The following ZFAND3 variants were observed in gnomAD, a reference collection of about 807,000 sequenced individuals.
The protein encoded by ZFAND3 is AN1-type zinc finger protein 3.
In ZFAND3, 10 loss-of-function variants were observed where a neutral mutation model predicts 29.6. The ratio of observed to expected loss-of-function variants is 0.34; its 90% CI spans 0.21 to 0.57. ZFAND3 has a LOEUF of 0.57. ZFAND3 is among the 20% of genes least tolerant of loss of function. The pLI is 0.86. For missense variants in ZFAND3, 230 were observed against 304.5 expected, an observed-to-expected ratio of 0.76 and a Z score of 1.82; for synonymous variants, 128 against 112.6, an observed-to-expected ratio of 1.14 and a Z score of -0.87.
In ZFAND3 at chr6:38,152,451, A is replaced by G; in HGVS notation, c.*62A>G. 1 of 1,479,002 alleles carries G rather than the reference A, an allele frequency of 6.8e-7. No individual in the cohort carries two copies. Among genetic ancestry groups the G allele is most frequent in the Non-Finnish European group, 9.0e-7 (1 of 1,115,756 alleles). 91.6% of individuals were successfully genotyped at this position (1,479,002 alleles called of 1,614,324 possible). A position where few individuals can be genotyped will look rare whatever the true frequency, so the allele number is the denominator to read the frequency against. On this transcript the variant is annotated 3_prime_UTR_variant, in exon 6 of 6. Coordinates refer to ENST00000287218, the MANE Select transcript of ZFAND3 (RefSeq NM_021943.3). ...TTCACTAATGTTAGCCTTATTTAGGACAAAGTCAGCCAGACACCTTGTACT... is the reference window on the plus strand; with the variant it reads ...TTCACTAATGTTAGCCTTATTTAGGGCAAAGTCAGCCAGACACCTTGTACT...
At chr6:38,096,843 A>C (rs1420594013) in intron 4 of ZFAND3, among the ~76,000 whole-genome samples, 1 of 151,454 alleles carries the variant, frequency 6.6e-6, no homozygotes, top group Non-Finnish European at 1.5e-5. Flanking sequence ...TTTTTTCGTA[A>C]TGTTCTTTCC....
intron 2 of ZFAND3, among the ~76,000 whole-genome samples, chr6:37,944,108 T>G (rs1006092341): frequency 6.6e-6 from 1 of 152,230 alleles, no homozygotes; most frequent in Admixed American, 6.5e-5. Flanking sequence ...GTCAAATTTT[T>G]GTGTATTTGT....
chr6:37,844,784 G>A lies in ZFAND3; in HGVS notation c.71+24768G>A, dbSNP rs541742807. 5.9e-5 allele frequency among the ~76,000 whole-genome samples: 9 copies of A among 151,624 alleles called. No homozygotes were observed. The East Asian group carries it at 1.6e-3, about 26-fold the overall frequency. On this transcript the variant is annotated intron_variant, in intron 1 of 5. Coordinates refer to ENST00000287218, the MANE Select transcript of ZFAND3 (RefSeq NM_021943.3). Reference sequence around the variant, plus strand: ...AATCCCAGCACTTTGGGAGGCCGACGTGGGCGGATCACGAAGTCAGGAGAT... The same window carrying A: ...AATCCCAGCACTTTGGGAGGCCGACATGGGCGGATCACGAAGTCAGGAGAT...
At chr6:37,985,527 A>ACACACACACACACC (rs753070737) in intron 2 of ZFAND3, among the ~76,000 whole-genome samples, 148 of 141,756 alleles carry the variant, frequency 1.0e-3, no homozygotes, top group Admixed American at 3.0e-3. Flanking sequence ...ACACACACAC[A>ACACACACACACACC]CCCCCACACA....
chr6:37,968,892 C>T (rs1450902318), intron 2 of ZFAND3, among the ~76,000 whole-genome samples: 1 of 152,194 alleles, frequency 6.6e-6, no homozygotes, highest in Non-Finnish European at 1.5e-5. Context: ...TTATGAAGTC[C>T]TACCCCTAAA....
chr6:37,920,106 G>A (rs1320986644), intron 1 of ZFAND3, among the ~76,000 whole-genome samples: 3 of 129,682 alleles, frequency 2.3e-5, no homozygotes, highest in Non-Finnish European at 4.7e-5. Context: ...AAAATAATTG[G>A]TGTCTGCCTC....
chr6:38,111,220 GTAC>G (rs1765309538), intron 4 of ZFAND3, among the ~76,000 whole-genome samples: 1 of 152,078 alleles, frequency 6.6e-6, no homozygotes, highest in Admixed American at 6.5e-5. Flanking sequence ...TAAAATTACT[GTAC>G]AACCAGCCCA....
chr6:38,009,055 A>T (rs917577408), intron 2 of ZFAND3, among the ~76,000 whole-genome samples: 1 of 152,202 alleles, frequency 6.6e-6, no homozygotes, highest in Non-Finnish European at 1.5e-5. Flanking sequence ...CTGTGTTATC[A>T]GTAATAAGCA....
intron 1 of ZFAND3, among the ~76,000 whole-genome samples, 176 bp from the exon 2 acceptor site, chr6:37,929,783 A>C (rs1364757500): frequency 6.8e-6 from 1 of 147,046 alleles, no homozygotes; most frequent in South Asian, 2.1e-4. Context: ...TTTAATTTTT[A>C]TTTTGTTGAG....
chr6:38,087,200 A>T (rs1764774428), intron 4 of ZFAND3, among the ~76,000 whole-genome samples: 1 of 152,248 alleles, frequency 6.6e-6, no homozygotes. Flanking sequence ...AAAGTGGATT[A>T]AAGACTTAAA....
intron 1 of ZFAND3, among the ~76,000 whole-genome samples, chr6:37,894,531 T>TTTTTTTATGTTTAAA (rs1250124322): frequency 6.6e-6 from 1 of 151,998 alleles, no homozygotes; most frequent in Non-Finnish European, 1.5e-5. Flanking sequence ...GCCTTACTAA[T>TTTTTTTATGTTTAAA]TTTTTTATGT....
At chr6:38,093,720 A>G (rs947207305) in intron 4 of ZFAND3, among the ~76,000 whole-genome samples, 11 of 152,196 alleles carry the variant, frequency 7.2e-5, no homozygotes, top group Non-Finnish European at 1.6e-4. Context: ...AATGTGTGGG[A>G]AACGAAAGCC....
At chr6:37,885,965 C>T (rs181220206) in intron 1 of ZFAND3, among the ~76,000 whole-genome samples, 124 of 151,918 alleles carry the variant, frequency 8.2e-4, no homozygotes, top group Middle Eastern at 3.4e-3. Context: ...AGGCCAGGTG[C>T]GGTGGCTTAT....
intron 2 of ZFAND3, among the ~76,000 whole-genome samples, chr6:38,040,895 T>C (rs1274323948): frequency 1.3e-5 from 2 of 152,222 alleles, no homozygotes; most frequent in East Asian, 3.8e-4. Flanking sequence ...CCACAGTCTA[T>C]ATTCAAATTT....
At chr6:38,075,000 A>T (rs1286556621) in intron 3 of ZFAND3, among the ~76,000 whole-genome samples, 1 of 152,350 alleles carries the variant, frequency 6.6e-6, no homozygotes, top group Admixed American at 6.5e-5. Flanking sequence ...ACTGCTGAGA[A>T]AAAGATTCCT....
rs149428065 is a variant in ZFAND3 at position 38,052,201 on chromosome 6, C to G, written c.113-9392C>G. ...CCAATCTAATGTTACCTGTATTTGC[C>G]TCTCGTAAAAATCTTAAGCTTTGTG... On this transcript the variant is annotated intron_variant, in intron 2 of 5. Coordinates refer to ENST00000287218, the MANE Select transcript of ZFAND3 (RefSeq NM_021943.3). Among the ~76,000 whole-genome samples the G allele has an allele frequency of 2.7e-3, 416 of 152,198 alleles. 1 individual carries two copies. Among genetic ancestry groups the G allele is most frequent in the Middle Eastern group, 6.8e-3 (2 of 294 alleles).
chr6:37,850,133 A>T (rs1481948905), intron 1 of ZFAND3, among the ~76,000 whole-genome samples: 1 of 152,208 alleles, frequency 6.6e-6, no homozygotes, highest in Admixed American at 6.5e-5. Context: ...GTAGCCCTTG[A>T]GTATCTTATC....
chr6:37,883,548 C>CTT (rs1217326869), intron 1 of ZFAND3, among the ~76,000 whole-genome samples: 2 of 100,568 alleles, frequency 2.0e-5, no homozygotes, highest in African/African-American at 5.2e-5. Context: ...TTCTTTCTTT[C>CTT]TTTTTTTTTT....
chr6:37,846,039 A>G (rs1764171181), intron 1 of ZFAND3, among the ~76,000 whole-genome samples: 1 of 152,214 alleles, frequency 6.6e-6, no homozygotes, highest in African/African-American at 2.4e-5. Context: ...TCTGTGACCC[A>G]GGCCCTGATT....
Sources: gnomAD v4.1 joint callset for allele counts (sites outside exome capture counted in the v4.1 genomes callset) on GRCh38, gnomAD v4.1.1 for gene constraint, MANE v1.5 for transcripts, NCBI Gene and HGNC (gene_info 2026-07-23, HGNC 2026-07-21) for gene names.